Variants in ASCC3 observed in about 807,000 individuals in gnomAD.
ASCC3 encodes ASC-1 complex subunit P200.
ASCC3 carries 158 observed loss-of-function variants against 256.3 expected under a neutral mutation model. The observed-to-expected ratio is 0.62, with a 90% CI of 0.54 to 0.70. The LOEUF (loss-of-function observed/expected upper bound fraction) is 0.70. Ranked by LOEUF, ASCC3 falls within the 30% of genes least tolerant of loss-of-function variation. The pLI is 0.00. For synonymous variants in ASCC3, 948 were observed against 883.4 expected, an observed-to-expected ratio of 1.07 and a Z score of -1.30; for missense variants, 2,259 against 2,626.0, an observed-to-expected ratio of 0.86 and a Z score of 3.05.
intron 30 of ASCC3, among the ~76,000 whole-genome samples, chr6:100,608,886 C>A (rs1056468223): frequency 3.5e-4 from 50 of 144,690 alleles, no homozygotes; most frequent in Non-Finnish European, 6.8e-4. Flanking sequence ...GCCTCAGCCT[C>A]CCGAGTAGCT....
intron 8 of ASCC3, among the ~76,000 whole-genome samples, chr6:100,796,787 T>C (rs1769637805): frequency 6.6e-6 from 1 of 152,138 alleles, no homozygotes; most frequent in Non-Finnish European, 1.5e-5. Context: ...TGGTCTTTTG[T>C]TATGGCAGAC....
rs535446658 is a variant in ASCC3, at chr6:100,591,703, T to C, written c.5304-1644A>G. ...CTGACATTACAGAAAGAAGATATTT[T>C]GAAAATATTACTGTGAAATACAAAA... On this transcript the variant is annotated intron_variant, in intron 34 of 41. Coordinates refer to ENST00000369162, the MANE Select transcript of ASCC3 (RefSeq NM_006828.4). 2.0e-5 allele frequency among the ~76,000 whole-genome samples: 3 copies of C among 152,158 alleles called. No individual in the cohort carries two copies. The South Asian group carries it at 6.2e-4, about 32-fold the overall frequency.
intron 36 of ASCC3, among the ~76,000 whole-genome samples, chr6:100,563,722 T>G (rs1770075895): frequency 6.6e-6 from 1 of 152,158 alleles, no homozygotes; most frequent in Non-Finnish European, 1.5e-5. Context: ...CATCTAAGGT[T>G]TTTTTATTAG....
In ASCC3 at chr6:100,677,107, T is replaced by C. The variant is rs1255973103; in HGVS notation, c.2286+2511A>G. ...ATGATGATAATAGATCCCTTGAAAT[T>C]GCTAGAATGTTAATACCATTTAAGT... is the stretch of plus-strand genomic sequence containing the variant. On this transcript the variant is annotated intron_variant, in intron 14 of 41. Transcript: ENST00000369162. 4.6e-5 allele frequency among the ~76,000 whole-genome samples: 7 copies of C among 152,200 alleles called. No homozygotes were observed. The East Asian group carries it at 1.2e-3, about 25-fold the overall frequency.
chr6:100,520,861 T>C (rs240783), intron 37 of ASCC3, among the ~76,000 whole-genome samples: 103,450 of 151,976 alleles, frequency 0.68, 36,669 homozygotes, highest in African/African-American at 0.88. Flanking sequence ...AGAACTCAAC[T>C]CTGTTATGTG....
chr6:100,808,786 A>G (rs979201955), intron 4 of ASCC3, among the ~76,000 whole-genome samples: 11 of 151,962 alleles, frequency 7.2e-5, no homozygotes, highest in Non-Finnish European at 1.2e-4. Context: ...TGGGAACATC[A>G]TAGAGTGTAA....
At chr6:100,608,097 C>CATATATAT (rs1391815541) in intron 30 of ASCC3, among the ~76,000 whole-genome samples, 1 of 45,026 alleles carries the variant, frequency 2.2e-5, no homozygotes, top group Non-Finnish European at 4.1e-5. Context: ...TATCTATATA[C>CATATATAT]ACATATATAT....
At chr6:100,650,391 T>A (rs1775602224) in intron 20 of ASCC3, 147 bp downstream of exon 20, 1 of 806,152 alleles carries the variant, frequency 1.2e-6, no homozygotes, top group African/African-American at 1.7e-5. Flanking sequence ...CATAAAATAT[T>A]TACAAATTAG....
At chr6:100,769,596 T>A (rs1781826399) in intron 8 of ASCC3, among the ~76,000 whole-genome samples, 1 of 149,142 alleles carries the variant, frequency 6.7e-6, no homozygotes, top group Non-Finnish European at 1.5e-5. Flanking sequence ...AAAAAGAAAA[T>A]CAAAACCAAA....
chr6:100,813,156 T>C (rs1478649351), intron 4 of ASCC3, among the ~76,000 whole-genome samples: 3 of 151,792 alleles, frequency 2.0e-5, no homozygotes, highest in Non-Finnish European at 2.9e-5. Flanking sequence ...CCAGGAAGCT[T>C]AACAAATTCC....
chr6:100,661,968 CA>C lies in ASCC3; in HGVS notation c.2540del (p.Met847SerfsTer19). 6.2e-7 allele frequency: 1 copy of C among 1,613,384 alleles called. No individual in the cohort carries two copies. Reference protein sequence around the residue: ...SFVDLGILDVMQIFGRAGRPQ... With the variant: ...SFVDLGILDVXQIFGRAGRPQ... ...GTCGTCCAGCTCGACCAAATATCTG[CA>C]TGACATCTAAAATTCCAAGGTCAAC... On this transcript the variant is annotated frameshift_variant, in exon 16 of 42. Transcript: ENST00000369162. LOFTEE classifies it high-confidence loss of function.
intron 16 of ASCC3, among the ~76,000 whole-genome samples, chr6:100,656,779 C>T (rs1775934616): frequency 6.6e-6 from 1 of 150,882 alleles, no homozygotes; most frequent in African/African-American, 2.4e-5. Context: ...TTTATTTTTA[C>T]TTAAGGTACT....
At chr6:100,527,433 A>G (rs1364437087) in intron 37 of ASCC3, among the ~76,000 whole-genome samples, 6 of 152,196 alleles carry the variant, frequency 3.9e-5, no homozygotes, top group Non-Finnish European at 8.8e-5. Context: ...TAAGGGTTTC[A>G]CCAAGTACTT....
At chr6:100,750,410 C>G (rs1780885676) in intron 10 of ASCC3, among the ~76,000 whole-genome samples, 1 of 151,934 alleles carries the variant, frequency 6.6e-6, no homozygotes, top group Non-Finnish European at 1.5e-5. Flanking sequence ...GAAGTTCCTG[C>G]TCTATCAATA....
At chr6:100,607,918 A>C (rs1231853922) in intron 30 of ASCC3, among the ~76,000 whole-genome samples, 1 of 148,464 alleles carries the variant, frequency 6.7e-6, no homozygotes, top group Non-Finnish European at 1.5e-5. Context: ...TTACCTTTTA[A>C]TTTTTTAAGT....
intron 24 of ASCC3, among the ~76,000 whole-genome samples, chr6:100,641,542 G>GT (rs1442096588): frequency 1.3e-5 from 2 of 152,122 alleles, no homozygotes; most frequent in African/African-American, 4.8e-5. Flanking sequence ...TGTTGATGGG[G>GT]TTTTTTATTT....
intron 4 of ASCC3, among the ~76,000 whole-genome samples, chr6:100,841,231 C>G (rs73760727): frequency 0.029 from 4,375 of 152,196 alleles, 214 homozygotes; most frequent in African/African-American, 0.1. Context: ...TAAGGAACAT[C>G]CTAGCCCTTC....
intron 37 of ASCC3, among the ~76,000 whole-genome samples, chr6:100,535,580 G>C (rs983836168): frequency 2.0e-5 from 3 of 146,380 alleles, no homozygotes; most frequent in Non-Finnish European, 4.5e-5. Flanking sequence ...AGCAGTTCTC[G>C]GCCTCAGCCT....
At chr6:100,854,374 G>A (rs1018739089) in intron 3 of ASCC3, among the ~76,000 whole-genome samples, 1 of 152,184 alleles carries the variant, frequency 6.6e-6, no homozygotes, top group Admixed American at 6.5e-5. Context: ...GTGCATGAAA[G>A]CACCTTTAGC....
Sources: gnomAD v4.1 joint callset for allele counts (sites outside exome capture counted in the v4.1 genomes callset) on GRCh38, gnomAD v4.1.1 for gene constraint, MANE v1.5 for transcripts, NCBI Gene and HGNC (gene_info 2026-07-23, HGNC 2026-07-21) for gene names.